SLC7A14: variants seen among roughly 807,000 people sequenced by gnomAD.
SLC7A14 encodes the protein solute carrier family 7 member 14.
Under a neutral mutation model 60.2 loss-of-function variants are expected in SLC7A14, and 37 were observed. That is an observed-to-expected ratio of 0.61 (90% CI 0.47 to 0.81). SLC7A14 has a LOEUF of 0.81. Ranked by LOEUF, SLC7A14 falls within the 30% of genes least tolerant of loss-of-function variation. The probability of loss-of-function intolerance (pLI) is 0.00; values close to 1 mark genes in which losing one functional copy is unlikely to be tolerated. For missense variants in SLC7A14, 886 were observed against 982.7 expected (o/e 0.90, Z 1.32); for synonymous variants, 399 against 395.8 (o/e 1.01, Z -0.10).
intron 2 of SLC7A14, among the ~76,000 whole-genome samples, chr3:170,506,358 C>T (rs1712780115): frequency 6.6e-6 from 1 of 152,126 alleles, no homozygotes; most frequent in Non-Finnish European, 1.5e-5. Context: ...TTTCTATACC[C>T]AGAACTATTT....
intron 4 of SLC7A14, among the ~76,000 whole-genome samples, chr3:170,488,960 A>G (rs377704412): frequency 6.6e-6 from 1 of 152,054 alleles, no homozygotes; most frequent in Admixed American, 6.6e-5. Flanking sequence ...TTTTCATCCA[A>G]CGTTTTCAAA....
At chr3:170,576,714 G>A (rs140494477) in intron 1 of SLC7A14, among the ~76,000 whole-genome samples, 1 of 152,170 alleles carries the variant, frequency 6.6e-6, no homozygotes, top group Non-Finnish European at 1.5e-5. Context: ...TTCAGTGGGG[G>A]TGGAGTGCTA....
intron 1 of SLC7A14, among the ~76,000 whole-genome samples, chr3:170,529,289 T>C (rs1713604580): frequency 6.6e-6 from 1 of 152,246 alleles, no homozygotes; most frequent in African/African-American, 2.4e-5. Context: ...ATAAATGTTA[T>C]ATCATTTATT....
At chr3:170,549,214 C>CTTTTTT (rs113114531) in intron 1 of SLC7A14, among the ~76,000 whole-genome samples, 3 of 129,512 alleles carry the variant, frequency 2.3e-5, no homozygotes, top group African/African-American at 8.9e-5. Flanking sequence ...CGGCCTTCTT[C>CTTTTTT]TTTTTTTTTT....
chr3:170,483,563 A>G, intron 5 of SLC7A14, 41 bp from the exon 6 acceptor site: 2 of 1,608,730 alleles, frequency 1.2e-6, no homozygotes, highest in Non-Finnish European at 1.7e-6. Context: ...GTACAGGGGA[A>G]GAACAGCATG....
intron 1 of SLC7A14, among the ~76,000 whole-genome samples, chr3:170,559,254 G>A (rs1210163384): frequency 6.6e-6 from 1 of 151,938 alleles, no homozygotes; most frequent in African/African-American, 2.4e-5. Context: ...TTCAGAGAGG[G>A]GAATTGTTAT....
rs10936635 is a variant in SLC7A14, at chr3:170,463,599, C to G, written c.*3456G>C. On this transcript the variant is annotated 3_prime_UTR_variant, in exon 8 of 8. Coordinates refer to ENST00000231706, the MANE Select transcript of SLC7A14 (RefSeq NM_020949.3). ...GTGGTGTGATCATAGCTCACTGCAG[C>G]CTTGAACTCCTGGGCTCAAGTGATC... 2.0e-5 allele frequency: 3 copies of G among 152,248 alleles called. No individual in the cohort carries two copies. Among genetic ancestry groups the G allele is most frequent in the Non-Finnish European group, 2.9e-5 (2 of 68,128 alleles). The allele number at this position is 152,248 out of a possible 1,614,324, so 9.4% of individuals were successfully genotyped here.
chr3:170,478,196 T>A (rs1217351103), intron 7 of SLC7A14, among the ~76,000 whole-genome samples: 1 of 152,122 alleles, frequency 6.6e-6, no homozygotes, highest in East Asian at 1.9e-4. Context: ...TCCTGTCTCA[T>A]CCTCCCAAGT....
chr3:170,526,262 C>G (rs1449951909), intron 2 of SLC7A14, among the ~76,000 whole-genome samples: 2 of 151,378 alleles, frequency 1.3e-5, no homozygotes, highest in African/African-American at 4.9e-5. Flanking sequence ...ATTAGCCGGG[C>G]GTGGTGGCGG....
intron 2 of SLC7A14, 149 bp from the exon 3 acceptor site, chr3:170,501,494 A>G (rs992849923): frequency 4.5e-6 from 3 of 664,214 alleles, no homozygotes; most frequent in Admixed American, 2.8e-5. Flanking sequence ...TTCAGAGCCA[A>G]CTCTTACCTC....
chr3:170,481,910 G>C (rs1236571929), intron 6 of SLC7A14, among the ~76,000 whole-genome samples: 1 of 152,140 alleles, frequency 6.6e-6, no homozygotes, highest in Non-Finnish European at 1.5e-5. Context: ...CTTGGAGCTT[G>C]TTAGAAATGT....
chr3:170,568,358 A>G, intron 1 of SLC7A14, among the ~76,000 whole-genome samples: 1 of 152,176 alleles, frequency 6.6e-6, no homozygotes, highest in Non-Finnish European at 1.5e-5. Context: ...GTTGTGTTCC[A>G]TTGATCTATA....
chr3:170,558,463 C>A (rs373573199), intron 1 of SLC7A14, among the ~76,000 whole-genome samples: 13 of 152,142 alleles, frequency 8.5e-5, no homozygotes, highest in African/African-American at 3.1e-4. Context: ...AGCTCTGAAC[C>A]TTGGTATTCT....
At chr3:170,551,054 G>A (rs1325274506) in intron 1 of SLC7A14, among the ~76,000 whole-genome samples, 2 of 152,000 alleles carry the variant, frequency 1.3e-5, no homozygotes, top group Non-Finnish European at 2.9e-5. Flanking sequence ...ACTCTCCATT[G>A]CTCCTCCCCC....
chr3:170,495,709 A>T, intron 4 of SLC7A14: 1 of 1,089,636 alleles, frequency 9.2e-7, no homozygotes, highest in East Asian at 2.4e-5. Flanking sequence ...ATGCACACCC[A>T]GGAGAAGGAG....
intron 1 of SLC7A14, among the ~76,000 whole-genome samples, chr3:170,581,392 G>T (rs1052820377): frequency 6.6e-6 from 1 of 152,032 alleles, no homozygotes; most frequent in Non-Finnish European, 1.5e-5. Context: ...AAAACTATTA[G>T]TTAAAAGGTA....
chr3:170,549,555 C>T (rs1286801458), intron 1 of SLC7A14, among the ~76,000 whole-genome samples: 1 of 152,178 alleles, frequency 6.6e-6, no homozygotes, highest in Non-Finnish European at 1.5e-5. Context: ...ATCCAGGCTG[C>T]TCCTCTATAG....
chr3:170,545,309 G>A (rs992820101), intron 1 of SLC7A14, among the ~76,000 whole-genome samples: 16 of 152,196 alleles, frequency 1.1e-4, no homozygotes, highest in African/African-American at 3.9e-4. Flanking sequence ...CAACCCCTCT[G>A]CCATCTACTC....
rs148584016 is a variant in SLC7A14 at position 170,561,633 on chromosome 3, A to C, written c.-153+24278T>G. ...ATGGAAAAGTGGTAAAAACTTTAAA[A>C]GGCTATCCATGGGCTATTGTTGATT... is the stretch of plus-strand genomic sequence containing the variant. On this transcript the variant is annotated intron_variant, in intron 1 of 7. Transcript: ENST00000231706. Among the ~76,000 whole-genome samples, 133 of 152,342 alleles carry C rather than the reference A, an allele frequency of 8.7e-4. 1 individual carries two copies. Among genetic ancestry groups the C allele is most frequent in the Non-Finnish European group, 1.7e-3 (119 of 68,020 alleles).
Sources: allele counts gnomAD v4.1 joint callset (sites outside exome capture counted in the v4.1 genomes callset), GRCh38; gene constraint gnomAD v4.1.1; transcripts MANE v1.5; gene names NCBI Gene and HGNC (gene_info 2026-07-23, HGNC 2026-07-21).